The following TENM2 variants were observed in gnomAD, a reference collection of about 807,000 sequenced individuals.
TENM2 encodes the protein teneurin transmembrane protein 2.
A neutral mutation model predicts 245.2 loss-of-function variants in TENM2; 52 were observed. That is an observed-to-expected ratio of 0.21 (90% confidence interval 0.17 to 0.27). TENM2 has a LOEUF of 0.27. TENM2 is among the 10% of genes least tolerant of loss of function. The pLI is 1.00. For missense variants in TENM2, 3,046 were observed against 3,666.8 expected (o/e 0.83, Z 4.37); for synonymous variants, 1,363 against 1,438.9 (o/e 0.95, Z 1.19).
chr5:167,534,339 G>A (rs1488327306), intron 2 of TENM2, among the ~76,000 whole-genome samples: 1 of 152,180 alleles, frequency 6.6e-6, no homozygotes, highest in Non-Finnish European at 1.5e-5. Flanking sequence ...ATTTCAAAGA[G>A]CGTGAAAACC....
intron 2 of TENM2, among the ~76,000 whole-genome samples, chr5:167,494,731 T>G (rs1388200999): frequency 6.6e-6 from 1 of 152,038 alleles, no homozygotes; most frequent in East Asian, 1.9e-4. Context: ...GTTAGAAAAA[T>G]AGAATATTCT....
chr5:167,802,013 A>G (rs1765818773), intron 2 of TENM2, among the ~76,000 whole-genome samples: 1 of 152,154 alleles, frequency 6.6e-6, no homozygotes, highest in African/African-American at 2.4e-5. Flanking sequence ...CAGGTTTAGT[A>G]TCTGATGAAG....
chr5:167,876,016 G>T lies in TENM2; in HGVS notation c.533G>T (p.Ser178Ile), dbSNP rs1252906277. 2 of 1,550,978 alleles carry T rather than the reference G, an allele frequency of 1.3e-6. No individual in the cohort carries two copies. The highest frequency in any genetic ancestry group is 2.7e-5 in the African/African-American group (2 of 72,814). Residue 178 changes from serine (S) to isoleucine (I), a missense_variant, in exon 3 of 29, where the codon AGT becomes ATT. This residue lies in a region of TENM2 where 342 missense variants were observed against 335.0 expected (regional missense o/e 1.02). Coordinates refer to ENST00000518659, the Ensembl canonical transcript of TENM2. ...CCCATTCCACCTACATCCTCGCCTA[G>T]TCTCCTCCCATCTGCTCAGCTGCCT...
At chr5:167,134,362 T>C in the TENM2 span, among the ~76,000 whole-genome samples, 1 of 152,232 alleles carries the variant, frequency 6.6e-6, no homozygotes, top group African/African-American at 2.4e-5. Flanking sequence ...TTGATTTTTT[T>C]GGCGTGTGTG....
intron 2 of TENM2, among the ~76,000 whole-genome samples, chr5:167,829,364 C>A (rs1768267540): frequency 6.6e-6 from 1 of 152,198 alleles, no homozygotes; most frequent in South Asian, 2.1e-4. Context: ...CACCACAATC[C>A]TTTACAATAT....
chr5:167,864,394 T>G (rs2151305305), intron 2 of TENM2, among the ~76,000 whole-genome samples: 1 of 152,362 alleles, frequency 6.6e-6, no homozygotes, highest in East Asian at 1.9e-4. Context: ...TCTTACCTTT[T>G]TTATGCATGA....
chr5:167,540,743 G>A (rs1772151348), intron 2 of TENM2, among the ~76,000 whole-genome samples: 1 of 152,138 alleles, frequency 6.6e-6, no homozygotes, highest in Non-Finnish European at 1.5e-5. Flanking sequence ...GTGTGACTTT[G>A]GCAGGTGATT....
chr5:168,158,077 C>T (rs1447151108), intron 12 of TENM2, among the ~76,000 whole-genome samples: 1 of 152,158 alleles, frequency 6.6e-6, no homozygotes, highest in African/African-American at 2.4e-5. Flanking sequence ...CACCTGCCAC[C>T]ACACTCAGCT....
intron 5 of TENM2, among the ~76,000 whole-genome samples, chr5:168,004,788 C>T (rs187936702): frequency 6.5e-4 from 99 of 152,162 alleles, no homozygotes; most frequent in Admixed American, 2.1e-3. Context: ...ACCTTTAAAT[C>T]GCCTTGGGGG....
At chr5:167,166,548 G>C in the TENM2 span, among the ~76,000 whole-genome samples, 1 of 152,136 alleles carries the variant, frequency 6.6e-6, no homozygotes, top group African/African-American at 2.4e-5. Context: ...TGGAAGGGAG[G>C]TTTATTATGA....
chr5:167,563,397 G>A (rs1481243173), intron 2 of TENM2, among the ~76,000 whole-genome samples: 1 of 152,128 alleles, frequency 6.6e-6, no homozygotes, highest in Non-Finnish European at 1.5e-5. Context: ...ACCTTCTGAT[G>A]AAATACTTCC....
At chr5:167,086,918 A>T in the TENM2 span, among the ~76,000 whole-genome samples, 10 of 110,028 alleles carry the variant, frequency 9.1e-5, no homozygotes, top group East Asian at 2.4e-3. Context: ...AGGAAACTCT[A>T]ACACACACAC....
chr5:168,167,696 C>G (rs1758429588), intron 13 of TENM2, among the ~76,000 whole-genome samples: 2 of 152,150 alleles, frequency 1.3e-5, no homozygotes, highest in South Asian at 2.1e-4. Flanking sequence ...TTTCATGTCC[C>G]TGGTTTCTGA....
chr5:167,159,727 C>T, the TENM2 span, among the ~76,000 whole-genome samples: 41 of 152,198 alleles, frequency 2.7e-4, no homozygotes, highest in Middle Eastern at 3.4e-3. Flanking sequence ...GTTCTGGCCC[C>T]GCCCACAAGA....
At chr5:167,925,649 G>A (rs143786260) in intron 3 of TENM2, among the ~76,000 whole-genome samples, 167 of 152,160 alleles carry the variant, frequency 1.1e-3, no homozygotes, top group African/African-American at 2.7e-3. Flanking sequence ...AAAGAGGCAC[G>A]CACATAAATG....
the TENM2 span, among the ~76,000 whole-genome samples, chr5:167,188,393 A>G: frequency 4.6e-5 from 7 of 152,150 alleles, no homozygotes; most frequent in South Asian, 1.0e-3. Flanking sequence ...TTTCCTCTTA[A>G]TATTTTACCT....
At chr5:168,217,783 A>G (rs180971064) in intron 22 of TENM2, among the ~76,000 whole-genome samples, 2 of 152,246 alleles carry the variant, frequency 1.3e-5, no homozygotes, top group Admixed American at 6.5e-5. Context: ...GCTGGATGGC[A>G]TGGTCTCTTG....
At chr5:168,070,155 C>G (rs1325605531) in intron 7 of TENM2, among the ~76,000 whole-genome samples, 1 of 152,130 alleles carries the variant, frequency 6.6e-6, no homozygotes, top group East Asian at 1.9e-4. Context: ...CTAAAAACAG[C>G]ATGTGTTTTG....
At chr5:168,254,513 A>C (rs1255135601) in intron 27 of TENM2, among the ~76,000 whole-genome samples, 1 of 151,918 alleles carries the variant, frequency 6.6e-6, no homozygotes, top group East Asian at 1.9e-4. Context: ...GGGGAGGAAG[A>C]GGAAGAAAGG....
Sources: allele counts gnomAD v4.1 joint callset (sites outside exome capture counted in the v4.1 genomes callset), GRCh38; gene constraint gnomAD v4.1.1; regional missense constraint gnomAD v4.1.1; transcripts MANE v1.5; gene names NCBI Gene and HGNC (gene_info 2026-07-23, HGNC 2026-07-21).